Variants in MICAL2 observed in about 807,000 individuals in gnomAD.
MICAL2 encodes the protein microtubule associated monooxygenase, calponin and LIM domain containing 2, also known as [F-actin]-monooxygenase MICAL2.
In MICAL2, 77 loss-of-function variants were observed where a neutral mutation model predicts 127.3. The observed-to-expected ratio is 0.60, with a 90% CI of 0.50 to 0.73. The LOEUF (loss-of-function observed/expected upper bound fraction) is 0.73. Among genes scored for constraint, MICAL2 ranks in the 30% least tolerant of loss-of-function variants. The pLI is 0.00. For synonymous variants in MICAL2, 570 were observed against 551.1 expected (o/e 1.03, Z -0.48); for missense variants, 1,351 against 1,434.4 (o/e 0.94, Z 0.94).
intron 3 of MICAL2, among the ~76,000 whole-genome samples, chr11:12,163,505 C>T (rs1477774117): frequency 6.6e-6 from 1 of 152,230 alleles, no homozygotes; most frequent in Non-Finnish European, 1.5e-5. Context: ...CTGCTTTCCA[C>T]TGCCCCTGGG....
intron 31 of MICAL2, chr11:12,324,124 C>G: frequency 1.3e-6 from 2 of 1,573,588 alleles, no homozygotes; most frequent in Non-Finnish European, 1.7e-6. Flanking sequence ...GATCCTGGGA[C>G]TCTGGATGGG....
intron 3 of MICAL2, among the ~76,000 whole-genome samples, chr11:12,169,373 A>G (rs1590168978): frequency 1.4e-5 from 1 of 70,320 alleles, no homozygotes; most frequent in African/African-American, 4.4e-5. Flanking sequence ...CAATAGCACC[A>G]TCTCTTTTAT....
chr11:12,206,208 T>TG (rs1164121630), intron 4 of MICAL2, among the ~76,000 whole-genome samples: 1 of 152,132 alleles, frequency 6.6e-6, no homozygotes, highest in Non-Finnish European at 1.5e-5. Context: ...CAAGTTCTCT[T>TG]GGGGGGCAGA....
intron 29 of MICAL2, among the ~76,000 whole-genome samples, chr11:12,303,981 G>A (rs1032794013): frequency 2.6e-5 from 4 of 152,114 alleles, no homozygotes; most frequent in East Asian, 1.9e-4. Context: ...AGTGAGCCAC[G>A]ATTGCACCAC....
Position 12,256,919 on chromosome 11 carries a change from C to T in MICAL2, c.3090C>T (p.Ser1030=). ...HFFHRECFRC[S]ICATTLRLAA... ...TCCACCGGGAGTGTTTCCGCTGCAG[C>T]ATCTGTGCCACCACCTTGCGCCTGG... Residue 1030 remains serine (S), a synonymous_variant, in exon 24 of 28, where the codon AGC becomes AGT. Coordinates refer to ENST00000683283, the MANE Select transcript of MICAL2 (RefSeq NM_001282663.2). 6.2e-7 allele frequency: 1 copy of T among 1,614,178 alleles called. No homozygotes were observed. Among genetic ancestry groups the T allele is most frequent in the Non-Finnish European group, 8.5e-7 (1 of 1,180,000 alleles).
intron 2 of MICAL2, among the ~76,000 whole-genome samples, chr11:12,158,178 T>C (rs1223253912): frequency 6.6e-6 from 1 of 151,934 alleles, no homozygotes; most frequent in Non-Finnish European, 1.5e-5. Flanking sequence ...CAAGTAAGTA[T>C]GATGGACATA....
chr11:12,305,240 G>A (rs146438161), intron 29 of MICAL2, among the ~76,000 whole-genome samples: 2,295 of 152,300 alleles, frequency 0.015, 26 homozygotes, highest in Non-Finnish European at 0.021. Context: ...CAGAAGGGGA[G>A]GCAGGCGCAT....
At chr11:12,285,762 G>C (rs546566128) in intron 2 of MICAL2, among the ~76,000 whole-genome samples, 1 of 152,320 alleles carries the variant, frequency 6.6e-6, no homozygotes, top group East Asian at 1.9e-4. Context: ...GACCTGGCAG[G>C]GAGTGGAATA....
At chr11:12,308,623 T>G (rs1864139195) in intron 29 of MICAL2, among the ~76,000 whole-genome samples, 1 of 152,250 alleles carries the variant, frequency 6.6e-6, no homozygotes, top group Admixed American at 6.5e-5. Context: ...AACTCACTTA[T>G]TATTGTAATA....
At chr11:12,161,594 C>T (rs1370311797) in intron 2 of MICAL2, 1 of 154,240 alleles carries the variant, frequency 6.5e-6, no homozygotes, top group Non-Finnish European at 1.4e-5. Context: ...GTCATGAAAT[C>T]TAGAGAGATG....
At chr11:12,246,524 A>G (rs1860764549) in intron 21 of MICAL2, among the ~76,000 whole-genome samples, 1 of 152,226 alleles carries the variant, frequency 6.6e-6, no homozygotes, top group Non-Finnish European at 1.5e-5. Flanking sequence ...AAGAGCACTG[A>G]GCATTGCAAA....
intron 3 of MICAL2, among the ~76,000 whole-genome samples, chr11:12,182,834 T>C (rs905062230): frequency 1.3e-5 from 2 of 152,162 alleles, no homozygotes; most frequent in African/African-American, 2.4e-5. Flanking sequence ...GGGTTGGGAA[T>C]GTGTAGGCCG....
At chr11:12,120,851 A>T (rs1850447582) in intron 1 of MICAL2, among the ~76,000 whole-genome samples, 1 of 152,168 alleles carries the variant, frequency 6.6e-6, no homozygotes, top group East Asian at 1.9e-4. Flanking sequence ...AGGGATAGTC[A>T]GAGTCATCCT....
chr11:12,134,472 C>T (rs945562249), intron 1 of MICAL2, among the ~76,000 whole-genome samples: 27 of 152,160 alleles, frequency 1.8e-4, no homozygotes, highest in African/African-American at 6.5e-4. Flanking sequence ...ACTTCTTCTC[C>T]CAGGAAGGGC....
chr11:12,120,949 TG>T (rs1352057291), intron 1 of MICAL2, among the ~76,000 whole-genome samples: 2 of 152,238 alleles, frequency 1.3e-5, no homozygotes, highest in Non-Finnish European at 2.9e-5. Context: ...GGGAACAGGG[TG>T]GGGGGCAGTA....
intron 3 of MICAL2, among the ~76,000 whole-genome samples, chr11:12,169,378 T>TTTTA (rs142205850): frequency 0.014 from 2,163 of 151,318 alleles, 55 homozygotes; most frequent in African/African-American, 0.047. Flanking sequence ...GCACCATCTC[T>TTTTA]TTTATTTATT....
chr11:12,162,483 G>C, intron 3 of MICAL2, 64 bp downstream of exon 3: 1 of 1,584,288 alleles, frequency 6.3e-7, no homozygotes, highest in Non-Finnish European at 8.6e-7. Context: ...GGGAGGTTAG[G>C]AAGCTGTTGC....
rs555133347 is a variant in MICAL2 at position 12,340,903 on chromosome 11, A to C, written c.5516-8935A>C. Among the ~76,000 whole-genome samples the C allele has an allele frequency of 7.7e-4, 117 of 152,230 alleles. 1 individual carries two copies. In the South Asian group the frequency reaches 0.011, roughly 14 times the overall value. ...TTAAAAGGGAAAGATTAGAATTTTT[A>C]TTTTTCAGCTGCATGCTCTGACTCC... is the stretch of plus-strand genomic sequence containing the variant. On this transcript the variant is annotated intron_variant, in intron 32 of 34. Coordinates refer to the MICAL2 transcript ENST00000646065.
At chr11:12,252,054 AG>A (rs1348628665) in intron 22 of MICAL2, among the ~76,000 whole-genome samples, 2 of 152,148 alleles carry the variant, frequency 1.3e-5, no homozygotes, top group Non-Finnish European at 2.9e-5. Flanking sequence ...CAGTCACACA[AG>A]GGGCTGGGCA....
Sources: allele counts gnomAD v4.1 joint callset (sites outside exome capture counted in the v4.1 genomes callset), GRCh38; gene constraint gnomAD v4.1.1; transcripts MANE v1.5; gene names NCBI Gene and HGNC (gene_info 2026-07-23, HGNC 2026-07-21).